Variants in LRRC49 observed in about 807,000 individuals in gnomAD.
LRRC49 encodes the protein leucine rich repeat containing 49.
A neutral mutation model predicts 83.3 loss-of-function variants in LRRC49; 50 were observed. That is an observed-to-expected ratio of 0.60 (90% CI 0.48 to 0.76). The LOEUF (loss-of-function observed/expected upper bound fraction) is 0.76. Among genes scored for constraint, LRRC49 ranks in the 30% least tolerant of loss-of-function variants. The pLI, the probability that LRRC49 is intolerant of heterozygous loss-of-function variation, is 0.00. For synonymous variants in LRRC49, 286 were observed against 283.3 expected (o/e 1.01, Z -0.10); for missense variants, 704 against 809.1 (o/e 0.87, Z 1.58).
chr15:70,866,130 T>G (rs914785042), intron 1 of LRRC49, among the ~76,000 whole-genome samples: 1 of 145,862 alleles, frequency 6.9e-6, no homozygotes, highest in East Asian at 2.0e-4. Flanking sequence ...ATTTATTTAT[T>G]TATTTATTTA....
chr15:70,871,743 C>T (rs1041522947), intron 1 of LRRC49, among the ~76,000 whole-genome samples: 1 of 151,134 alleles, frequency 6.6e-6, no homozygotes, highest in Non-Finnish European at 1.5e-5. Flanking sequence ...AGACACACTC[C>T]TCAGATCCCA....
intron 11 of LRRC49, among the ~76,000 whole-genome samples, chr15:70,992,380 C>T (rs759135504): frequency 2.0e-5 from 3 of 152,206 alleles, no homozygotes; most frequent in Admixed American, 6.5e-5. Context: ...GGGGGAGAGG[C>T]GCTCTGATTT....
chr15:71,049,188 G>T (rs369716480), intron 15 of LRRC49, among the ~76,000 whole-genome samples: 9 of 152,072 alleles, frequency 5.9e-5, no homozygotes, highest in African/African-American at 2.2e-4. Context: ...GTCCAACAGA[G>T]GTAGGAGTAG....
intron 14 of LRRC49, among the ~76,000 whole-genome samples, chr15:71,026,547 C>G (rs781727193): frequency 1.3e-5 from 2 of 152,068 alleles, no homozygotes; most frequent in African/African-American, 2.4e-5. Context: ...TGTAAAAGAA[C>G]TTCACCCCAG....
chr15:71,025,640 A>G (rs1284538463), intron 14 of LRRC49, among the ~76,000 whole-genome samples: 5 of 152,156 alleles, frequency 3.3e-5, no homozygotes, highest in Admixed American at 6.5e-5. Context: ...AGACACACAA[A>G]ATAAAATAAA....
chr15:71,012,706 G>T, intron 13 of LRRC49, 98 bp from the exon 14 acceptor site: 1 of 687,290 alleles, frequency 1.5e-6, no homozygotes. Context: ...GGGCTTAAAA[G>T]ATAATATTTA....
intron 1 of LRRC49, chr15:70,854,019 C>T: frequency 6.9e-7 from 1 of 1,456,774 alleles, no homozygotes; most frequent in Non-Finnish European, 9.1e-7. Context: ...TCCTCGGCCT[C>T]CTGGATGGCG....
chr15:70,909,321 A>G lies in LRRC49; in HGVS notation c.501-2211A>G, dbSNP rs921473268. ...GAGTAAGAGGAACTCATAAATAGTC[A>G]GTGTTTTTACAAGCACTCTGGGTGA... On this transcript the variant is annotated intron_variant, in intron 5 of 15. Transcript: ENST00000260382. Among the ~76,000 whole-genome samples the G allele has an allele frequency of 2.0e-5, 3 of 152,160 alleles. 1 individual carries two copies. The highest frequency in any genetic ancestry group is 1.9e-4 in the East Asian group (1 of 5,142).
intron 11 of LRRC49, among the ~76,000 whole-genome samples, chr15:71,007,696 G>GT (rs1252919267): frequency 8.9e-6 from 1 of 112,178 alleles, no homozygotes; most frequent in African/African-American, 3.4e-5. Flanking sequence ...ATTCAGTGCA[G>GT]TATGAGAAGC....
chr15:70,944,313 A>G (rs1236704431), intron 8 of LRRC49, among the ~76,000 whole-genome samples: 3 of 152,212 alleles, frequency 2.0e-5, no homozygotes, highest in Non-Finnish European at 4.4e-5. Context: ...GTTTTGGCCA[A>G]TAATCTTTTG....
chr15:70,950,163 G>A (rs907248689), intron 8 of LRRC49, among the ~76,000 whole-genome samples: 1 of 152,148 alleles, frequency 6.6e-6, no homozygotes, highest in Non-Finnish European at 1.5e-5. Flanking sequence ...TGTCTGTGTA[G>A]TATTCTATGG....
chr15:70,906,088 AT>A (rs1293860281), intron 5 of LRRC49, among the ~76,000 whole-genome samples: 5 of 140,556 alleles, frequency 3.6e-5, no homozygotes, highest in East Asian at 4.2e-4. Context: ...AGCTCCCTCC[AT>A]TTTTTTTTCT....
chr15:70,912,945 G>A (rs1311602528), intron 6 of LRRC49, among the ~76,000 whole-genome samples: 2 of 152,080 alleles, frequency 1.3e-5, no homozygotes, highest in African/African-American at 2.4e-5. Context: ...CCAAAGTGCT[G>A]GGATTACAGG....
At chr15:71,018,386 T>C (rs2038893134) in intron 14 of LRRC49, among the ~76,000 whole-genome samples, 1 of 152,178 alleles carries the variant, frequency 6.6e-6, no homozygotes, top group South Asian at 2.1e-4. Context: ...AACTTCTATT[T>C]CTGACAATGA....
In LRRC49 at chr15:70,895,753, C is replaced by T; in HGVS notation, c.106-96C>T. 6.1e-6 allele frequency: 4 copies of T among 659,740 alleles called. No homozygotes were observed. In the South Asian group the frequency reaches 6.3e-5, roughly 10 times the overall value. The allele number at this position is 659,740 out of a possible 1,614,324, so 40.9% of individuals were successfully genotyped here. A position where few individuals can be genotyped will look rare whatever the true frequency, so the allele number is the denominator to read the frequency against. On this transcript the variant is annotated intron_variant, in intron 2 of 15. Transcript: ENST00000260382. ...TTTTCAAGGTTCATCCACATTGTAC[C>T]ATGTGTATCAGTTATTATATGTTTT...
chr15:70,948,029 G>A (rs983198787), intron 8 of LRRC49, among the ~76,000 whole-genome samples: 3 of 152,066 alleles, frequency 2.0e-5, no homozygotes, highest in Non-Finnish European at 4.4e-5. Context: ...CCTCTTTCAT[G>A]CCTTTGCTCA....
chr15:70,984,046 T>A, intron 10 of LRRC49, 48 bp from the exon 11 acceptor site: 1 of 1,481,990 alleles, frequency 6.7e-7, no homozygotes, highest in Non-Finnish European at 9.4e-7. Context: ...TCACTTCTGC[T>A]ACAAAAATTG....
chr15:70,900,888 C>A, intron 3 of LRRC49, 34 bp from the exon 4 acceptor site: 1 of 1,338,594 alleles, frequency 7.5e-7, no homozygotes, highest in Non-Finnish European at 1.1e-6. Flanking sequence ...GAAGGTTTTT[C>A]TTAATTAAGT....
intron 11 of LRRC49, among the ~76,000 whole-genome samples, chr15:70,985,314 T>C (rs1174849477): frequency 1.1e-4 from 16 of 151,656 alleles, no homozygotes; most frequent in African/African-American, 3.4e-4. Flanking sequence ...TTTTTAATGA[T>C]TGCCATTCTA....
Sources: allele counts gnomAD v4.1 joint callset (sites outside exome capture counted in the v4.1 genomes callset), GRCh38; gene constraint gnomAD v4.1.1; transcripts MANE v1.5; gene names NCBI Gene and HGNC (gene_info 2026-07-23, HGNC 2026-07-21).